Variants in SHOC2 observed in about 807,000 individuals in gnomAD.
SHOC2 encodes leucine-rich repeat protein SHOC-2.
A neutral mutation model predicts 50.2 loss-of-function variants in SHOC2; 4 were observed. The observed-to-expected ratio is 0.08, with a 90% CI of 0.04 to 0.18. The LOEUF (loss-of-function observed/expected upper bound fraction) is 0.18. Ranked by LOEUF, SHOC2 falls within the 10% of genes least tolerant of loss-of-function variation. The pLI is 1.00. For synonymous variants in SHOC2, 218 were observed against 244.5 expected (o/e 0.89, Z 1.01); for missense variants, 388 against 669.6 (o/e 0.58, Z 4.64).
chr10:110,961,937 T>TA (rs1445550095), intron 1 of SHOC2, among the ~76,000 whole-genome samples: 2 of 152,128 alleles, frequency 1.3e-5, no homozygotes, highest in Non-Finnish European at 2.9e-5. Context: ...CCGAACTTGA[T>TA]AAGCTTTTGT....
intron 1 of SHOC2, chr10:110,937,069 C>T (rs776539655): frequency 4.1e-6 from 6 of 1,477,844 alleles, no homozygotes; most frequent in Non-Finnish European, 4.7e-6. Flanking sequence ...GGAGGAAAGC[C>T]AAGTACTTCA....
chr10:110,939,871 A>G (rs1847102139), intron 1 of SHOC2, among the ~76,000 whole-genome samples: 1 of 152,208 alleles, frequency 6.6e-6, no homozygotes, highest in Non-Finnish European at 1.5e-5. Context: ...ATCACTTCCT[A>G]ATGGTCAATT....
chr10:110,983,391 T>C (rs1418746143), intron 2 of SHOC2, among the ~76,000 whole-genome samples: 4 of 152,118 alleles, frequency 2.6e-5, no homozygotes, highest in Admixed American at 1.3e-4. Context: ...TCTGTTTTCT[T>C]GAGATGGAGA....
At chr10:110,965,181 C>A in intron 2 of SHOC2, 120 bp downstream of exon 2, 1 of 835,504 alleles carries the variant, frequency 1.2e-6, no homozygotes, top group Non-Finnish European at 1.9e-6. Flanking sequence ...TAAATTACAA[C>A]TTTTTTATGG....
rs1215959266 is a variant in SHOC2, at chr10:111,011,622, A to G, written c.1553A>G (p.Asn518Ser). 6.2e-7 allele frequency: 1 copy of G among 1,613,370 alleles called. No homozygotes were observed. The highest frequency in any genetic ancestry group is 2.2e-5 in the East Asian group (1 of 44,880). ...TTTTTTTAAACAGGTACACTGGAGA[A>G]CCTAGAAGAACTGTATTTGAATGAC... ...HLPEEIGTLE[N>S]LEELYLNDNP... Residue 518 changes from asparagine (N) to serine (S), a missense_variant, in exon 9 of 9, where the codon AAC (asparagine) becomes AGC (serine). Asn to Ser is a conservative substitution (Grantham distance 46). This residue lies in a region of SHOC2 where 130 missense variants were observed against 208.6 expected (regional missense o/e 0.62). Transcript: ENST00000369452.
chr10:110,991,184 C>T (rs1848180395), intron 3 of SHOC2, among the ~76,000 whole-genome samples: 1 of 152,054 alleles, frequency 6.6e-6, no homozygotes, highest in Non-Finnish European at 1.5e-5. Context: ...AAGGGGCATG[C>T]GATTAAAGTA....
intron 3 of SHOC2, among the ~76,000 whole-genome samples, chr10:110,987,145 G>C (rs1032206967): frequency 2.6e-5 from 4 of 152,188 alleles, no homozygotes; most frequent in Middle Eastern, 3.2e-3. Context: ...TCTTAGGACA[G>C]AATTATCTCC....
At chr10:110,919,533 G>A (rs1332269196), upstream of SHOC2, 5 of 385,780 alleles carry the variant, frequency 1.3e-5, no homozygotes, top group Non-Finnish European at 1.8e-5. Flanking sequence ...CGGGGCGGGC[G>A]GGGCGGGGCG....
intron 4 of SHOC2, among the ~76,000 whole-genome samples, chr10:111,004,124 G>T (rs56909097): frequency 0.068 from 10,274 of 152,104 alleles, 650 homozygotes; most frequent in African/African-American, 0.16. Context: ...TTCCTAAAAG[G>T]AATCTTTATG....
intron 1 of SHOC2, among the ~76,000 whole-genome samples, chr10:110,938,858 A>G (rs555515985): frequency 6.6e-6 from 1 of 152,336 alleles, no homozygotes; most frequent in Non-Finnish European, 1.5e-5. Flanking sequence ...GCTTTTTAAT[A>G]GGGATAAATG....
intron 4 of SHOC2, among the ~76,000 whole-genome samples, chr10:111,001,042 T>C (rs140636146): frequency 6.2e-5 from 9 of 144,802 alleles, no homozygotes; most frequent in Non-Finnish European, 1.4e-4. Flanking sequence ...CTATTTAGTA[T>C]AGAACAATCG....
At chr10:110,986,410 A>G (rs1848077020) in intron 3 of SHOC2, among the ~76,000 whole-genome samples, 1 of 152,232 alleles carries the variant, frequency 6.6e-6, no homozygotes, top group Non-Finnish European at 1.5e-5. Flanking sequence ...ATGTTTATTT[A>G]GAAAAATTAC....
At chr10:110,937,550 A>G (rs995648650) in intron 1 of SHOC2, among the ~76,000 whole-genome samples, 4 of 151,772 alleles carry the variant, frequency 2.6e-5, no homozygotes, top group Non-Finnish European at 5.9e-5. Context: ...TCTGTTTCTC[A>G]CTCTCCTCTC....
chr10:110,943,858 T>C (rs1401572858), intron 1 of SHOC2, among the ~76,000 whole-genome samples: 1 of 152,262 alleles, frequency 6.6e-6, no homozygotes, highest in African/African-American at 2.4e-5. Context: ...TGGCCTTCTA[T>C]GGATCAGTTT....
chr10:110,973,905 C>T (rs569501323), intron 2 of SHOC2, among the ~76,000 whole-genome samples: 5 of 151,190 alleles, frequency 3.3e-5, no homozygotes, highest in Admixed American at 1.3e-4. Flanking sequence ...AGTGGTGTTC[C>T]CCTTTCATTC....
chr10:110,971,104 T>C (rs1387294515), intron 2 of SHOC2, among the ~76,000 whole-genome samples: 2 of 152,152 alleles, frequency 1.3e-5, no homozygotes, highest in African/African-American at 4.8e-5. Flanking sequence ...TTTTGAGGTT[T>C]TACCCATAAA....
intron 3 of SHOC2, among the ~76,000 whole-genome samples, chr10:110,989,862 A>G (rs1329333920): frequency 6.6e-6 from 1 of 152,098 alleles, no homozygotes; most frequent in Non-Finnish European, 1.5e-5. Context: ...TTTGCCATAT[A>G]TATTCAGTGT....
At chr10:110,925,431 C>A (rs1270147828) in intron 1 of SHOC2, among the ~76,000 whole-genome samples, 1 of 151,852 alleles carries the variant, frequency 6.6e-6, no homozygotes, top group African/African-American at 2.4e-5. Flanking sequence ...GTCTCTTTTT[C>A]ACGCTTTTTT....
At chr10:110,920,372 T>C (rs1846606788) in intron 1 of SHOC2, among the ~76,000 whole-genome samples, 1 of 152,106 alleles carries the variant, frequency 6.6e-6, no homozygotes, top group Non-Finnish European at 1.5e-5. Flanking sequence ...CTTCCCCGAC[T>C]TCCCCAGGCT....
Sources: allele counts gnomAD v4.1 joint callset (sites outside exome capture counted in the v4.1 genomes callset), GRCh38; gene constraint gnomAD v4.1.1; regional missense constraint gnomAD v4.1.1; transcripts MANE v1.5; gene names NCBI Gene and HGNC (gene_info 2026-07-23, HGNC 2026-07-21).